The following SLC24A2 variants were observed in gnomAD, a reference collection of about 807,000 sequenced individuals.
SLC24A2 encodes solute carrier family 24 member 2.
A neutral mutation model predicts 62.0 loss-of-function variants in SLC24A2; 36 were observed. The observed-to-expected ratio is 0.58, with a 90% CI of 0.44 to 0.77. The LOEUF (loss-of-function observed/expected upper bound fraction) is 0.77. SLC24A2 is among the 30% of genes least tolerant of loss of function. The probability of loss-of-function intolerance (pLI) is 0.00; values close to 1 mark genes in which losing one functional copy is unlikely to be tolerated. For missense variants in SLC24A2, 846 were observed against 817.9 expected, an observed-to-expected ratio of 1.03 and a Z score of -0.42; for synonymous variants, 358 against 294.0, an observed-to-expected ratio of 1.22 and a Z score of -2.23.
chr9:20,207,833 G>C, the SLC24A2 span, among the ~76,000 whole-genome samples: 4 of 152,232 alleles, frequency 2.6e-5, no homozygotes, highest in African/African-American at 9.7e-5. Flanking sequence ...CAGTGGGGGA[G>C]AGGGGGATCT....
At chr9:19,938,914 C>T in the SLC24A2 span, among the ~76,000 whole-genome samples, 6 of 151,936 alleles carry the variant, frequency 3.9e-5, no homozygotes, top group Admixed American at 3.3e-4. Context: ...AACAAACAAA[C>T]AAAAAACAAA....
the SLC24A2 span, among the ~76,000 whole-genome samples, chr9:19,906,128 T>G: frequency 6.6e-6 from 1 of 152,128 alleles, no homozygotes; most frequent in African/African-American, 2.4e-5. Flanking sequence ...ACAAACTGCC[T>G]CTCAGACCAC....
At chr9:19,928,730 G>A in the SLC24A2 span, 3 of 152,196 alleles carry the variant, frequency 2.0e-5, no homozygotes, top group Admixed American at 1.3e-4. Flanking sequence ...TTTTACCAGT[G>A]AGGAAATAGA....
chr9:19,633,512 T>C (rs1818229671), intron 2 of SLC24A2, among the ~76,000 whole-genome samples: 1 of 152,258 alleles, frequency 6.6e-6, no homozygotes. Context: ...TGATATCTCA[T>C]TGTGGTATCA....
At chr9:19,548,431 A>AGGGTAG (rs1834686924) in intron 8 of SLC24A2, among the ~76,000 whole-genome samples, 2 of 152,220 alleles carry the variant, frequency 1.3e-5, no homozygotes, top group Non-Finnish European at 2.9e-5. Context: ...ACTTATGCCA[A>AGGGTAG]CAATATACAT....
chr9:19,700,628 G>C (rs923009203), intron 2 of SLC24A2, among the ~76,000 whole-genome samples: 3 of 152,124 alleles, frequency 2.0e-5, no homozygotes, highest in Non-Finnish European at 4.4e-5. Context: ...CTTTCCTTTA[G>C]GGCAGGCAGA....
At chr9:20,083,291 C>T in the SLC24A2 span, among the ~76,000 whole-genome samples, 1 of 152,224 alleles carries the variant, frequency 6.6e-6, no homozygotes, top group Non-Finnish European at 1.5e-5. Context: ...GCCTGCATCT[C>T]CAGTTCCACC....
chr9:19,992,005 A>G, the SLC24A2 span, among the ~76,000 whole-genome samples: 2 of 152,198 alleles, frequency 1.3e-5, no homozygotes, highest in African/African-American at 4.8e-5. Flanking sequence ...AGACTGCTGA[A>G]TGAGTGAATG....
the SLC24A2 span, among the ~76,000 whole-genome samples, chr9:20,244,767 T>C: frequency 6.6e-6 from 1 of 152,222 alleles, no homozygotes; most frequent in Non-Finnish European, 1.5e-5. Context: ...ACAATAACAG[T>C]ACTGCTTCTT....
the SLC24A2 span, among the ~76,000 whole-genome samples, chr9:20,106,561 T>C: frequency 0.01 from 1,578 of 152,260 alleles, 27 homozygotes; most frequent in African/African-American, 0.034. Context: ...AATCAATAAA[T>C]GTAATCCAGC....
chr9:19,717,406 G>C (rs112501412), intron 2 of SLC24A2, among the ~76,000 whole-genome samples: 260 of 152,290 alleles, frequency 1.7e-3, no homozygotes, highest in African/African-American at 5.3e-3. Flanking sequence ...GGTTAGGTAA[G>C]TTTAGTTCTT....
At chr9:19,853,497 A>G in the SLC24A2 span, among the ~76,000 whole-genome samples, 1 of 152,272 alleles carries the variant, frequency 6.6e-6, no homozygotes, top group South Asian at 2.1e-4. Context: ...TACCTAATTT[A>G]TTGAGAGTTT....
the SLC24A2 span, among the ~76,000 whole-genome samples, chr9:20,048,317 T>C: frequency 1.3e-5 from 2 of 152,224 alleles, no homozygotes; most frequent in Non-Finnish European, 2.9e-5. Flanking sequence ...CATAATTTGC[T>C]TGATAAGTCA....
chr9:19,883,173 A>T, the SLC24A2 span, among the ~76,000 whole-genome samples: 2 of 152,248 alleles, frequency 1.3e-5, no homozygotes, highest in African/African-American at 2.4e-5. Flanking sequence ...AACATTAATT[A>T]GGAATATCAT....
chr9:20,168,837 G>A, the SLC24A2 span, among the ~76,000 whole-genome samples: 1 of 151,986 alleles, frequency 6.6e-6, no homozygotes, highest in Non-Finnish European at 1.5e-5. Context: ...TGACCCGGCA[G>A]TTTCACTCTC....
chr9:20,210,356 T>C, the SLC24A2 span, among the ~76,000 whole-genome samples: 1 of 152,154 alleles, frequency 6.6e-6, no homozygotes. Flanking sequence ...GGCTCTTAAA[T>C]AATAAAATAA....
At chr9:20,193,690 G>A in the SLC24A2 span, among the ~76,000 whole-genome samples, 2 of 152,146 alleles carry the variant, frequency 1.3e-5, no homozygotes, top group Admixed American at 6.5e-5. Context: ...TTTAAAATAT[G>A]TAACCCAATA....
chr9:19,761,851 T>C (rs988473935), intron 2 of SLC24A2, among the ~76,000 whole-genome samples: 1 of 152,214 alleles, frequency 6.6e-6, no homozygotes, highest in Non-Finnish European at 1.5e-5. Context: ...GTGGTGTATA[T>C]GTGCCACATT....
the SLC24A2 span, among the ~76,000 whole-genome samples, chr9:19,815,767 C>T: frequency 6.6e-6 from 1 of 151,864 alleles, no homozygotes; most frequent in African/African-American, 2.4e-5. Context: ...CTTTTGTATC[C>T]CTAAGGATAT....
Sources: gnomAD v4.1 joint callset for allele counts (sites outside exome capture counted in the v4.1 genomes callset) on GRCh38, gnomAD v4.1.1 for gene constraint, MANE v1.5 for transcripts, NCBI Gene and HGNC (gene_info 2026-07-23, HGNC 2026-07-21) for gene names.